RALY: variants seen among roughly 807,000 people sequenced by gnomAD.
RALY encodes RALY heterogeneous nuclear ribonucleoprotein, also known as RNA-binding protein Raly.
RALY carries 15 observed loss-of-function variants against 30.7 expected under a neutral mutation model. That is an observed-to-expected ratio of 0.49 (90% confidence interval 0.33 to 0.75). The LOEUF (loss-of-function observed/expected upper bound fraction) is 0.75, where lower values mean the gene tolerates loss of function less well. Ranked by LOEUF, RALY falls within the 30% of genes least tolerant of loss-of-function variation. The probability of loss-of-function intolerance (pLI) is 0.02; values close to 1 mark genes in which losing one functional copy is unlikely to be tolerated. For synonymous variants in RALY, 177 were observed against 170.8 expected (o/e 1.04, Z -0.28); for missense variants, 339 against 414.3 (o/e 0.82, Z 1.58).
intron 3 of RALY, among the ~76,000 whole-genome samples, chr20:34,073,302 G>A (rs143509890): frequency 1.8e-4 from 28 of 151,914 alleles, no homozygotes; most frequent in East Asian, 5.8e-4. Flanking sequence ...GTGGTGGGGC[G>A]GGGGGGAGGA....
At chr20:34,048,583 G>A (rs937992823) in intron 2 of RALY, among the ~76,000 whole-genome samples, 12 of 152,268 alleles carry the variant, frequency 7.9e-5, no homozygotes, top group African/African-American at 1.9e-4. Flanking sequence ...GCGGCCGGGC[G>A]TGGTGGCTCA....
At chr20:34,055,749 TTAAAA>T (rs1195402577) in intron 2 of RALY, among the ~76,000 whole-genome samples, 8 of 152,234 alleles carry the variant, frequency 5.3e-5, no homozygotes, top group African/African-American at 1.9e-4. Flanking sequence ...ATATTGATTG[TTAAAA>T]TAATAAACTT....
chr20:33,996,448 T>C (rs1226064131), intron 1 of RALY, among the ~76,000 whole-genome samples: 1 of 152,192 alleles, frequency 6.6e-6, no homozygotes, highest in East Asian at 1.9e-4. Context: ...TTATGGACTA[T>C]ATTACTAATT....
At chr20:34,013,076 T>C (rs1395976883) in intron 1 of RALY, among the ~76,000 whole-genome samples, 1 of 152,148 alleles carries the variant, frequency 6.6e-6, no homozygotes, top group African/African-American at 2.4e-5. Context: ...TATTATAAAA[T>C]AGGCTTTGTG....
At chr20:34,036,155 C>T (rs1024872372) in intron 2 of RALY, among the ~76,000 whole-genome samples, 3 of 151,910 alleles carry the variant, frequency 2.0e-5, no homozygotes, top group African/African-American at 7.3e-5. Context: ...AAAAAAAATT[C>T]CCCTGCCTAA....
chr20:34,058,791 C>G (rs984739670), intron 2 of RALY, among the ~76,000 whole-genome samples: 31 of 152,198 alleles, frequency 2.0e-4, no homozygotes, highest in Non-Finnish European at 1.0e-4. Context: ...CATATAACCA[C>G]TCAGAGGATT....
chr20:34,064,478 TG>T (rs1052714840), intron 2 of RALY, among the ~76,000 whole-genome samples: 1 of 152,210 alleles, frequency 6.6e-6, no homozygotes, highest in African/African-American at 2.4e-5. Context: ...TCAGCAAAGC[TG>T]GAACCCCTCT....
Position 34,077,053 on chromosome 20 carries a change from TGGCGCCGGC to T in RALY, c.689_697del (p.Ala230_Gly232del), listed in dbSNP as rs770340144. ...ATGGCAAGAAGAAGGGTGATGGAGG[TGGCGCCGGC>T]GGCGGCGGCGGTGGTGGTGGCAGCG... On this transcript the variant is annotated inframe_deletion, in exon 8 of 10. Transcript: ENST00000246194. 18 of 1,493,334 alleles carry T rather than the reference TGGCGCCGGC, an allele frequency of 1.2e-5. No individual in the cohort carries two copies. Among genetic ancestry groups the T allele is most frequent in the Non-Finnish European group, 1.6e-5 (18 of 1,120,166 alleles). The allele number at this position is 1,493,334 out of a possible 1,614,324, so 92.5% of individuals were successfully genotyped here.
Position 34,072,899 on chromosome 20 carries a change from T to G in RALY, c.256+569T>G, listed in dbSNP as rs138436480. On this transcript the variant is annotated intron_variant, in intron 3 of 9. Transcript: ENST00000246194. ...TGGATTGACTGAACATGTGGAGATA[T>G]GTGGACACAACCCTTGTATGTATAG... Among the ~76,000 whole-genome samples, 3 of 151,992 alleles carry G rather than the reference T, an allele frequency of 2.0e-5. No homozygotes were observed. The South Asian group carries it at 6.2e-4, about 32-fold the overall frequency.
chr20:34,068,282 G>C (rs2033633887), intron 2 of RALY, among the ~76,000 whole-genome samples: 1 of 152,200 alleles, frequency 6.6e-6, no homozygotes, highest in Non-Finnish European at 1.5e-5. Context: ...AGTAGCTCCT[G>C]CTGAATGGAT....
In RALY at chr20:34,020,387, A is replaced by G. The variant is rs187791111; in HGVS notation, c.-92-11135A>G. 2.2e-3 allele frequency among the ~76,000 whole-genome samples: 335 copies of G among 152,332 alleles called. 1 individual carries two copies. The highest frequency in any genetic ancestry group is 4.1e-3 in the Non-Finnish European group (276 of 68,020). On this transcript the variant is annotated intron_variant, in intron 1 of 9. Coordinates refer to ENST00000246194, the MANE Select transcript of RALY (RefSeq NM_016732.3). ...AGAAAGTCATTGAGGATGTTAGGGA[A>G]CAGCATGAGGAATGGTAGAAGCTGC...
chr20:34,035,718 A>G (rs2032472006), intron 2 of RALY, among the ~76,000 whole-genome samples: 1 of 152,156 alleles, frequency 6.6e-6, no homozygotes, highest in East Asian at 1.9e-4. Context: ...GCACAGTTTC[A>G]AGTGTTTGAG....
At position 34,082,449 on chromosome 20, in the gene RALY, A is replaced by G. The variant is rs1237627110; in HGVS notation, c.*2544A>G. On this transcript the variant is annotated 3_prime_UTR_variant, in exon 10 of 10. Coordinates refer to ENST00000246194, the MANE Select transcript of RALY (RefSeq NM_016732.3). ...CAAGCATGCTTTACTGAGGAACTCA[A>G]CGTTTCAGAGCTTGAGGGTCAGGTT... 1 of 152,244 alleles carries G rather than the reference A, an allele frequency of 6.6e-6. No homozygotes were observed. The highest frequency in any genetic ancestry group is 1.5e-5 in the Non-Finnish European group (1 of 68,072). 9.4% of individuals were successfully genotyped at this position (152,244 alleles called of 1,614,324 possible).
Position 34,077,510 on chromosome 20 carries a change from T to TG in RALY, c.876+267dup, listed in dbSNP as rs2122329679. On this transcript the variant is annotated intron_variant, in intron 8 of 9. Transcript: ENST00000246194. ...TCTGGCCTCCGGTTTCCACATGAGTTGGAGAATGGGAGATTCGGACATAAG... is the reference window on the plus strand; with the variant it reads ...TCTGGCCTCCGGTTTCCACATGAGTTGGGAGAATGGGAGATTCGGACATAAG... 3 of 624,634 alleles carry TG rather than the reference T, an allele frequency of 4.8e-6. No individual in the cohort carries two copies. The African/African-American group carries it at 5.5e-5, about 12-fold the overall frequency. 38.7% of individuals were successfully genotyped at this position (624,634 alleles called of 1,614,324 possible).
chr20:34,046,455 C>A (rs192140522), intron 2 of RALY, among the ~76,000 whole-genome samples: 17 of 152,276 alleles, frequency 1.1e-4, no homozygotes, highest in Admixed American at 2.0e-4. Context: ...TGTGTACATA[C>A]TTTAAGCATT....
intron 1 of RALY, among the ~76,000 whole-genome samples, chr20:34,011,299 G>A (rs2031389155): frequency 6.6e-6 from 1 of 152,180 alleles, no homozygotes; most frequent in African/African-American, 2.4e-5. Flanking sequence ...CTACCCCAGG[G>A]TGGGTCTGGC....
intron 1 of RALY, among the ~76,000 whole-genome samples, chr20:34,026,475 T>C (rs2032041690): frequency 6.6e-6 from 1 of 151,804 alleles, no homozygotes; most frequent in South Asian, 2.1e-4. Context: ...TGTTCTCGGC[T>C]CACTGCAAGC....
At chr20:34,076,910 T>G in intron 7 of RALY, 95 bp downstream of exon 7, 1 of 1,588,146 alleles carries the variant, frequency 6.3e-7, no homozygotes, top group Non-Finnish European at 8.6e-7. Flanking sequence ...AGGGTGGCCC[T>G]GCAGATCCTG....
chr20:34,072,410 CTT>C, intron 3 of RALY, 80 bp downstream of exon 3: 1 of 1,474,194 alleles, frequency 6.8e-7, no homozygotes, highest in Non-Finnish European at 9.1e-7. Flanking sequence ...CCCCTTCTCT[CTT>C]TCTCTCACCG....
Sources: gnomAD v4.1 joint callset for allele counts (sites outside exome capture counted in the v4.1 genomes callset) on GRCh38, gnomAD v4.1.1 for gene constraint, MANE v1.5 for transcripts, NCBI Gene and HGNC (gene_info 2026-07-23, HGNC 2026-07-21) for gene names.